NR5A1: variants seen among roughly 807,000 people sequenced by gnomAD.
The protein encoded by NR5A1 is steroidogenic factor 1.
Under a neutral mutation model 42.7 loss-of-function variants are expected in NR5A1, and 6 were observed. The ratio of observed to expected loss-of-function variants is 0.14; its 90% CI spans 0.08 to 0.28. The LOEUF is 0.28. NR5A1 is among the 10% of genes least tolerant of loss of function. The probability of loss-of-function intolerance (pLI) is 1.00; values close to 1 mark genes in which losing one functional copy is unlikely to be tolerated. For missense variants in NR5A1, 442 were observed against 626.4 expected (o/e 0.71, Z 3.14); for synonymous variants, 274 against 277.5 (o/e 0.99, Z 0.12).
chr9:124,491,533 C>T (rs191888602), intron 5 of NR5A1, among the ~76,000 whole-genome samples: 1 of 152,270 alleles, frequency 6.6e-6, no homozygotes, highest in East Asian at 1.9e-4. Flanking sequence ...CCAGCAGCAC[C>T]AGCAGCTCAG....
rs377525808 is a variant in NR5A1, at chr9:124,497,942, G to A, written c.870+2148C>T. On this transcript the variant is annotated intron_variant, in intron 4 of 6. Coordinates refer to ENST00000373588, the MANE Select transcript of NR5A1 (RefSeq NM_004959.5). ...CCCCAGGGTCCCCTCTGCCCCTTCC[G>A]TGGCTCTCAGAGCCCTGGGCACCTC... Among the ~76,000 whole-genome samples, 302 of 152,174 alleles carry A rather than the reference G, an allele frequency of 2.0e-3. 1 individual carries two copies. The highest frequency in any genetic ancestry group is 6.8e-3 in the African/African-American group (284 of 41,476).
rs1889311 is a variant in NR5A1 at position 124,500,805 on chromosome 9, G to A, written c.245-90C>T. 18,142 of 1,589,226 alleles carry A rather than the reference G, an allele frequency of 0.011. 982 individuals are homozygous for A. In the African/African-American group the frequency reaches 0.14, roughly 12 times the overall value. ...AGATCCTTTCCAAACAAATCTGACC[G>A]CTCTCTCCCCTGCTCAACACCCTTT... is the stretch of plus-strand genomic sequence containing the variant. On this transcript the variant is annotated intron_variant, in intron 3 of 6. Coordinates refer to ENST00000373588, the MANE Select transcript of NR5A1 (RefSeq NM_004959.5). The surrounding 1 kb of genome is among the most constrained non-coding windows in gnomAD (Gnocchi z 6.9).
At chr9:124,497,130 A>G (rs1445820624) in intron 4 of NR5A1, among the ~76,000 whole-genome samples, 1 of 152,214 alleles carries the variant, frequency 6.6e-6, no homozygotes, top group Non-Finnish European at 1.5e-5. Context: ...GCTAAGGGGA[A>G]GAGAGGAAGG....
chr9:124,483,218 C>G (rs1832157141), intron 6 of NR5A1, among the ~76,000 whole-genome samples: 1 of 152,230 alleles, frequency 6.6e-6, no homozygotes, highest in Non-Finnish European at 1.5e-5. Context: ...ACCATCGTCA[C>G]CAATACCCAC....
In NR5A1 at chr9:124,482,095, C is replaced by G; in HGVS notation, c.*663G>C. On this transcript the variant is annotated 3_prime_UTR_variant, in exon 7 of 7. Coordinates refer to ENST00000373588, the MANE Select transcript of NR5A1 (RefSeq NM_004959.5). ...TGGGTGGGAGAGGGAATCAGTGATG[C>G]CTGGAGCAAAGTTTTTTCCCGATGA... The G allele has an allele frequency of 6.5e-6, 1 of 153,640 alleles. No homozygotes were observed. The highest frequency in any genetic ancestry group is 2.0e-4 in the South Asian group (1 of 4,888). 9.5% of individuals were successfully genotyped at this position (153,640 alleles called of 1,614,324 possible). A position where few individuals can be genotyped will look rare whatever the true frequency, so the allele number is the denominator to read the frequency against.
At chr9:124,506,204 G>A (rs575012038) in intron 1 of NR5A1, among the ~76,000 whole-genome samples, 55 of 152,356 alleles carry the variant, frequency 3.6e-4, no homozygotes, top group Non-Finnish European at 6.9e-4. Flanking sequence ...GACTAGCTGT[G>A]CAAGCTCGGG....
At position 124,500,889 on chromosome 9, in the gene NR5A1, G is replaced by T; in HGVS notation, c.245-174C>A. 9.6e-7 allele frequency: 1 copy of T among 1,041,976 alleles called. No homozygotes were observed. The highest frequency in any genetic ancestry group is 1.5e-6 in the Non-Finnish European group (1 of 681,852). The allele number at this position is 1,041,976 out of a possible 1,614,324, so 64.5% of individuals were successfully genotyped here. A position where few individuals can be genotyped will look rare whatever the true frequency, so the allele number is the denominator to read the frequency against. ...TCCTTTGCCTGGCATTCAAGGCCCT[G>T]CTCAGCTTTTCAGGCAATCCCTGCT... On this transcript the variant is annotated intron_variant, in intron 3 of 6. Coordinates refer to ENST00000373588, the MANE Select transcript of NR5A1 (RefSeq NM_004959.5). The surrounding 1 kb of genome is among the most constrained non-coding windows in gnomAD (Gnocchi z 6.9).
intron 6 of NR5A1, among the ~76,000 whole-genome samples, chr9:124,485,040 G>A (rs1832187141): frequency 6.6e-6 from 1 of 152,108 alleles, no homozygotes; most frequent in African/African-American, 2.4e-5. Context: ...AATGCTACCT[G>A]CCCCGCCCCG....
At chr9:124,483,038 CA>C in intron 6 of NR5A1, 33 bp from the exon 7 acceptor site, 3 of 1,612,256 alleles carry the variant, frequency 1.9e-6, no homozygotes, top group Non-Finnish European at 2.5e-6. Context: ...ACCATCGCGT[CA>C]CCATCCATGC....
intron 3 of NR5A1, among the ~76,000 whole-genome samples, chr9:124,502,656 G>T (rs893678663): frequency 6.6e-6 from 1 of 152,240 alleles, no homozygotes; most frequent in African/African-American, 2.4e-5. Flanking sequence ...GGAAATCTGC[G>T]GTTTAGAGAG....
Position 124,494,174 on chromosome 9 carries a change from G to A in NR5A1, c.871-1025C>T, listed in dbSNP as rs147569160. Among the ~76,000 whole-genome samples, 518 of 152,300 alleles carry A rather than the reference G, an allele frequency of 3.4e-3. 2 individuals carry two copies. Among genetic ancestry groups the A allele is most frequent in the Non-Finnish European group, 5.6e-3 (381 of 68,026 alleles). On this transcript the variant is annotated intron_variant, in intron 4 of 6. Coordinates refer to ENST00000373588, the MANE Select transcript of NR5A1 (RefSeq NM_004959.5). ...CATCGACCCAAAAGACACTTCTGGC[G>A]CACCTTCCTGGGCCGTGCCCTATGG...
intron 4 of NR5A1, among the ~76,000 whole-genome samples, chr9:124,495,259 A>G (rs1032970695): frequency 1.3e-5 from 2 of 152,172 alleles, no homozygotes; most frequent in Admixed American, 1.3e-4. Flanking sequence ...TGACTCGGCC[A>G]TCTCTCCGTA....
chr9:124,496,553 C>T lies in NR5A1; in HGVS notation c.871-3404G>A, dbSNP rs553514681. Among the ~76,000 whole-genome samples the T allele has an allele frequency of 1.2e-4, 19 of 152,162 alleles. No individual in the cohort carries two copies. Among genetic ancestry groups the T allele is most frequent in the Non-Finnish European group, 2.6e-4 (18 of 68,036 alleles). ...ATGGGTGCCAAGCTGACCTCCCTCCCAGCAGGGCCCCTCTGGAGCCCCCTG... is the reference window on the plus strand; with the variant it reads ...ATGGGTGCCAAGCTGACCTCCCTCCTAGCAGGGCCCCTCTGGAGCCCCCTG... On this transcript the variant is annotated intron_variant, in intron 4 of 6. Transcript: ENST00000373588. The surrounding 1 kb of genome is among the most constrained non-coding windows in gnomAD (Gnocchi z 5.0).
rs1054421107 is a variant in NR5A1, at chr9:124,501,017, T to TA, written c.245-303_245-302insT. On this transcript the variant is annotated intron_variant, in intron 3 of 6. Transcript: ENST00000373588. The surrounding 1 kb of genome is among the most constrained non-coding windows in gnomAD (Gnocchi z 4.1). ...CTTTCATTTTCCTTCTGACTCAAACTTTTTTTTTTCTCTTGTGCTTGCTGA... is the reference window on the plus strand; with the variant it reads ...CTTTCATTTTCCTTCTGACTCAAACTATTTTTTTTTCTCTTGTGCTTGCTGA... 9.5e-6 allele frequency: 6 copies of TA among 630,832 alleles called. No homozygotes were observed. The highest frequency in any genetic ancestry group is 1.8e-5 in the Non-Finnish European group (6 of 332,624). The allele number at this position is 630,832 out of a possible 1,614,324, so 39.1% of individuals were successfully genotyped here. A position where few individuals can be genotyped will look rare whatever the true frequency, so the allele number is the denominator to read the frequency against.
intron 6 of NR5A1, among the ~76,000 whole-genome samples, chr9:124,487,044 T>C (rs1444295366): frequency 1.3e-5 from 2 of 152,270 alleles, no homozygotes; most frequent in African/African-American, 4.8e-5. Context: ...ACCGGCATGT[T>C]GGAGAGGAGC....
chr9:124,490,690 G>A (rs114740572), intron 6 of NR5A1, among the ~76,000 whole-genome samples: 3,758 of 152,174 alleles, frequency 0.025, 156 homozygotes, highest in African/African-American at 0.086. Context: ...GCCTTCTCCA[G>A]TGCAATTTCT....
chr9:124,486,101 C>T (rs1206837097), intron 6 of NR5A1, among the ~76,000 whole-genome samples: 2 of 152,044 alleles, frequency 1.3e-5, no homozygotes, highest in Non-Finnish European at 2.9e-5. Context: ...GACACCGAAG[C>T]GGGGGTGCGG....
At chr9:124,490,385 C>T (rs1832289203) in intron 6 of NR5A1, among the ~76,000 whole-genome samples, 1 of 152,180 alleles carries the variant, frequency 6.6e-6, no homozygotes, top group African/African-American at 2.4e-5. Context: ...AGGGTGCAGA[C>T]TGGAGTGGCC....
At position 124,491,726 on chromosome 9, in the gene NR5A1, A is replaced by C. The variant is rs143734667; in HGVS notation, c.991-498T>G. On this transcript the variant is annotated intron_variant, in intron 5 of 6. Coordinates refer to ENST00000373588, the MANE Select transcript of NR5A1 (RefSeq NM_004959.5). The stretch of plus-strand genomic sequence containing the variant: ...AGTCATGGGGTCGCCCACTCTGTGA[A>C]GTGAAGGCACACACGTGTGCACACG... Among the ~76,000 whole-genome samples, 178 of 151,730 alleles carry C rather than the reference A, an allele frequency of 1.2e-3. 1 individual carries two copies. The highest frequency in any genetic ancestry group is 3.4e-3 in the Middle Eastern group (1 of 294).
Sources: allele counts gnomAD v4.1 joint callset (sites outside exome capture counted in the v4.1 genomes callset), GRCh38; gene constraint gnomAD v4.1.1; non-coding constraint Gnocchi (gnomAD v3.1); transcripts MANE v1.5; gene names NCBI Gene and HGNC (gene_info 2026-07-23, HGNC 2026-07-21).